The following AKAP12 variants were observed in gnomAD, a reference collection of about 807,000 sequenced individuals.
The protein encoded by AKAP12 is A-kinase anchoring protein 12, also known as A-kinase anchor protein 12.
Under a neutral mutation model 79.9 loss-of-function variants are expected in AKAP12, and 32 were observed. The ratio of observed to expected loss-of-function variants is 0.40; its 90% CI spans 0.30 to 0.54. The LOEUF is 0.54. Among genes scored for constraint, AKAP12 ranks in the 20% least tolerant of loss-of-function variants. The pLI is 0.48. For missense variants in AKAP12, 2,074 were observed against 2,177.0 expected (o/e 0.95, Z 0.94); for synonymous variants, 808 against 857.0 (o/e 0.94, Z 1.00).
chr6:151,288,792 T>A (rs936423156), intron 2 of AKAP12, among the ~76,000 whole-genome samples: 3 of 152,142 alleles, frequency 2.0e-5, no homozygotes, highest in African/African-American at 7.2e-5. Flanking sequence ...AGGACCACAT[T>A]TTTCAGGTGT....
intron 3 of AKAP12, among the ~76,000 whole-genome samples, chr6:151,336,433 GTTTTTTGACTTTTTAATAATAGC>G (rs1212552891): frequency 1.3e-5 from 2 of 152,066 alleles, no homozygotes. Context: ...AACATCTGTT[GTTTTTTGACTTTTTAATAATAGC>G]TATTTTGGCT....
intron 3 of AKAP12, chr6:151,325,687 C>T (rs1244540842): frequency 6.3e-6 from 9 of 1,436,362 alleles, no homozygotes; most frequent in Non-Finnish European, 7.3e-6. Context: ...CTTTTCGCTG[C>T]GGCAGCTCCG....
intron 3 of AKAP12, among the ~76,000 whole-genome samples, chr6:151,329,924 C>CA (rs964352063): frequency 1.4e-4 from 22 of 152,320 alleles, no homozygotes; most frequent in African/African-American, 5.3e-4. Context: ...GAGTACCTTG[C>CA]AAAAGACCTC....
At position 151,341,843 on chromosome 6, in the gene AKAP12, C is replaced by T; in HGVS notation, c.320-6868C>T. ...CCGTCCCAGGCTTGGGAAAGCCTCT[C>T]TACTGGCCAAGGCGCGCAGGGACAG... On this transcript the variant is annotated intron_variant, in intron 3 of 4. Coordinates refer to ENST00000402676, the MANE Select transcript of AKAP12 (RefSeq NM_005100.4). The T allele has an allele frequency of 3.2e-6, 4 of 1,259,894 alleles. No individual in the cohort carries two copies. The South Asian group carries it at 5.0e-5, about 16-fold the overall frequency. The allele number at this position is 1,259,894 out of a possible 1,614,324, so 78.0% of individuals were successfully genotyped here. A position where few individuals can be genotyped will look rare whatever the true frequency, so the allele number is the denominator to read the frequency against.
In AKAP12 at chr6:151,358,172, CTAATG is replaced by C. The variant is rs1034851577; in HGVS notation, c.*2462_*2466del. ...GTTAATTTATGAAGTACATAATAAT[CTAATG>C]TAAACTGCAGAAGTCAGAGCAAGTG... On this transcript the variant is annotated 3_prime_UTR_variant, in exon 5 of 5. Transcript: ENST00000402676. The C allele has an allele frequency of 1.3e-5, 2 of 152,198 alleles. No homozygotes were observed. Among genetic ancestry groups the C allele is most frequent in the African/African-American group, 4.8e-5 (2 of 41,444 alleles). 9.4% of individuals were successfully genotyped at this position (152,198 alleles called of 1,614,324 possible).
intron 3 of AKAP12, among the ~76,000 whole-genome samples, chr6:151,336,716 C>A (rs987420368): frequency 3.3e-5 from 5 of 152,184 alleles, no homozygotes; most frequent in African/African-American, 9.7e-5. Flanking sequence ...GCACTCCAGC[C>A]TGGGCGACAG....
chr6:151,324,189 A>G (rs1777465699), intron 3 of AKAP12: 7 of 985,380 alleles, frequency 7.1e-6, no homozygotes, highest in Non-Finnish European at 8.4e-6. Context: ...AAAGGTTGGG[A>G]AGCAGCTCAG....
At chr6:151,341,931 A>G in intron 3 of AKAP12, 1 of 517,976 alleles carries the variant, frequency 1.9e-6, no homozygotes, top group Non-Finnish European at 2.9e-6. Context: ...GCTGCCCTTG[A>G]TCTTGCCCCA....
intron 2 of AKAP12, among the ~76,000 whole-genome samples, chr6:151,264,748 T>C (rs968994274): frequency 1.1e-4 from 17 of 151,906 alleles, no homozygotes; most frequent in Non-Finnish European, 2.4e-4. Context: ...AGGTAATATA[T>C]CTGTAATGTT....
In AKAP12 at chr6:151,350,209, T is replaced by G. The variant is rs1314409905; in HGVS notation, c.1818T>G (p.Gly606=). 1 of 1,612,982 alleles carries G rather than the reference T, an allele frequency of 6.2e-7. No individual in the cohort carries two copies. Among genetic ancestry groups the G allele is most frequent in the South Asian group, 1.1e-5 (1 of 90,992 alleles). The change falls in exon 4 of 5, where the codon GGT becomes GGG. Residue 606 remains glycine, a synonymous_variant. Coordinates refer to ENST00000402676, the MANE Select transcript of AKAP12 (RefSeq NM_005100.4). This position sits in a 1 kb window ranked among gnomAD's most constrained non-coding sequence, Gnocchi z 4.8. ...CCGATGGAGAGAAAAAAAGAGAAGGTGTCACTCCCTGGGCATCATTCAAAA... is the reference window on the plus strand; with the variant it reads ...CCGATGGAGAGAAAAAAAGAGAAGGGGTCACTCCCTGGGCATCATTCAAAA... ...ATSDGEKKRE[G]VTPWASFKKM...
intron 3 of AKAP12, among the ~76,000 whole-genome samples, chr6:151,318,711 G>A (rs987639782): frequency 1.3e-5 from 2 of 152,148 alleles, no homozygotes; most frequent in Non-Finnish European, 2.9e-5. Flanking sequence ...CAAGGTGGGA[G>A]GATCACTTGA....
intron 3 of AKAP12, among the ~76,000 whole-genome samples, chr6:151,328,171 C>CA (rs1223752959): frequency 2.0e-5 from 3 of 150,856 alleles, no homozygotes; most frequent in South Asian, 2.1e-4. Flanking sequence ...AGTAAAAATA[C>CA]AAAAAAATTA....
intron 2 of AKAP12, among the ~76,000 whole-genome samples, chr6:151,261,312 A>C (rs1179175448): frequency 6.6e-6 from 1 of 151,992 alleles, no homozygotes; most frequent in Non-Finnish European, 1.5e-5. Context: ...CAGAGGTTGC[A>C]GTGATCCGAG....
chr6:151,353,326 G>C lies in AKAP12; in HGVS notation c.4935G>C (p.Glu1645Asp). ...CCTCAGAAAAGACCATGACTGTTGA[G>C]GTAGAAGGTTCCACTGTAAATGATC... Reference protein sequence around the residue: ...SEASEKTMTVEVEGSTVNDQQ... With the variant: ...SEASEKTMTVDVEGSTVNDQQ... The change falls in exon 4 of 5, where the codon GAG becomes GAC. Residue 1645 changes from glutamate (E) to aspartate (D), a missense_variant. By Grantham distance (45) the Glu-to-Asp change is conservative. Transcript: ENST00000402676. The C allele has an allele frequency of 6.2e-7, 1 of 1,614,188 alleles. No individual in the cohort carries two copies. Among genetic ancestry groups the C allele is most frequent in the Non-Finnish European group, 8.5e-7 (1 of 1,180,032 alleles).
intron 3 of AKAP12, chr6:151,325,724 T>G (rs1777507490): frequency 2.0e-6 from 3 of 1,527,920 alleles, no homozygotes; most frequent in Non-Finnish European, 2.6e-6. Context: ...TCCCCCATCC[T>G]CCGGGAGTGT....
At chr6:151,258,521 G>T (rs1797346319) in intron 2 of AKAP12, among the ~76,000 whole-genome samples, 2 of 152,236 alleles carry the variant, frequency 1.3e-5, no homozygotes, top group South Asian at 4.1e-4. Flanking sequence ...TTGTTTCTTT[G>T]TAAAACCTAA....
intron 3 of AKAP12, among the ~76,000 whole-genome samples, chr6:151,317,050 C>T (rs1777253019): frequency 6.6e-6 from 1 of 152,188 alleles, no homozygotes. Flanking sequence ...GGAGTTAGGA[C>T]TTCAAATGTG....
chr6:151,245,652 G>A (rs1367456110), intron 2 of AKAP12, among the ~76,000 whole-genome samples: 8 of 56,806 alleles, frequency 1.4e-4, no homozygotes, highest in African/African-American at 3.0e-4. Flanking sequence ...GAGAGACTCC[G>A]TCTCAAAAAA....
chr6:151,272,986 C>T (rs1366169082), intron 2 of AKAP12, among the ~76,000 whole-genome samples: 1 of 152,244 alleles, frequency 6.6e-6, no homozygotes, highest in Non-Finnish European at 1.5e-5. Flanking sequence ...CAACTCACTG[C>T]AAGCTCCGCT....
Sources: gnomAD v4.1 joint callset for allele counts (sites outside exome capture counted in the v4.1 genomes callset) on GRCh38, gnomAD v4.1.1 for gene constraint, Gnocchi (gnomAD v3.1) non-coding constraint, MANE v1.5 for transcripts, NCBI Gene and HGNC (gene_info 2026-07-23, HGNC 2026-07-21) for gene names.